Variants in GLI3 observed in about 807,000 individuals in gnomAD.
The protein encoded by GLI3 is transcription activator GLI3.
A neutral mutation model predicts 100.8 loss-of-function variants in GLI3; 20 were observed. The observed-to-expected ratio is 0.20, with a 90% CI of 0.14 to 0.29. The LOEUF is 0.29. Among genes scored for constraint, GLI3 ranks in the 10% least tolerant of loss-of-function variants. GLI3 has a pLI of 1.00. For synonymous variants in GLI3, 938 were observed against 860.5 expected (o/e 1.09, Z -1.58); for missense variants, 2,040 against 2,128.5 (o/e 0.96, Z 0.82).
chr7:42,230,101 G>C (rs58946834), intron 1 of GLI3, among the ~76,000 whole-genome samples: 5 of 41,582 alleles, frequency 1.2e-4, no homozygotes, highest in East Asian at 2.5e-3. Context: ...GGTTGGGCGG[G>C]GGGGGGGGGG....
At chr7:42,117,729 T>C (rs1037286243) in intron 3 of GLI3, among the ~76,000 whole-genome samples, 1 of 152,246 alleles carries the variant, frequency 6.6e-6, no homozygotes, top group Admixed American at 6.5e-5. Flanking sequence ...TCTAGCAAAG[T>C]GTATGATCTC....
At position 42,008,819 on chromosome 7, in the gene GLI3, A is replaced by G. The variant is rs1174290623; in HGVS notation, c.1497+14649T>C. Among the ~76,000 whole-genome samples the G allele has an allele frequency of 2.0e-5, 3 of 152,244 alleles. No homozygotes were observed. In the East Asian group the frequency reaches 5.8e-4, roughly 29 times the overall value. ...TGGTGGAAACTATCTTTGTCTTGTA[A>G]TAGTGAACTTATAGTTGATTAAAGG... On this transcript the variant is annotated intron_variant, in intron 10 of 14. Coordinates refer to ENST00000395925, the MANE Select transcript of GLI3 (RefSeq NM_000168.6).
chr7:42,095,322 G>A (rs1785315307), intron 3 of GLI3, among the ~76,000 whole-genome samples: 1 of 152,244 alleles, frequency 6.6e-6, no homozygotes, highest in African/African-American at 2.4e-5. Context: ...AAGCGTGCAA[G>A]AAGATGAGGC....
At chr7:42,151,719 G>A (rs2128788846) in intron 2 of GLI3, 1 of 152,266 alleles carries the variant, frequency 6.6e-6, no homozygotes, top group African/African-American at 2.4e-5. Flanking sequence ...TTTAAATACT[G>A]TCATCATAAT....
chr7:42,099,858 C>T (rs1785421169), intron 3 of GLI3, among the ~76,000 whole-genome samples: 1 of 152,240 alleles, frequency 6.6e-6, no homozygotes, highest in Admixed American at 6.5e-5. Context: ...AGACAAAACA[C>T]ACTTTCGAAA....
chr7:42,054,361 T>G (rs750256583), intron 4 of GLI3, among the ~76,000 whole-genome samples: 1 of 152,176 alleles, frequency 6.6e-6, no homozygotes, highest in Non-Finnish European at 1.5e-5. Flanking sequence ...CAGTATTTAA[T>G]CACTTGCATT....
chr7:42,146,264 A>C (rs1357702684), intron 3 of GLI3, among the ~76,000 whole-genome samples: 3 of 152,334 alleles, frequency 2.0e-5, no homozygotes, highest in South Asian at 4.1e-4. Flanking sequence ...GAATGAATTC[A>C]GATCCCCCTA....
chr7:42,249,977 C>T (rs958518473), intron 1 of GLI3, among the ~76,000 whole-genome samples: 2 of 152,044 alleles, frequency 1.3e-5, no homozygotes, highest in East Asian at 1.9e-4. Flanking sequence ...TACCTGTAGT[C>T]CCAGCTACTC....
intron 2 of GLI3, among the ~76,000 whole-genome samples, chr7:42,176,247 A>C (rs1490479045): frequency 6.6e-6 from 1 of 152,168 alleles, no homozygotes; most frequent in East Asian, 1.9e-4. Flanking sequence ...AGATCCACCA[A>C]GATGCCAGAA....
chr7:42,150,392 A>C (rs947638053), intron 2 of GLI3, among the ~76,000 whole-genome samples: 7 of 152,242 alleles, frequency 4.6e-5, no homozygotes, highest in Admixed American at 2.0e-4. Context: ...CTATAGAATA[A>C]GAATTTTGCA....
intron 4 of GLI3, among the ~76,000 whole-genome samples, chr7:42,065,064 T>G (rs1261856239): frequency 6.6e-6 from 1 of 152,094 alleles, no homozygotes; most frequent in Non-Finnish European, 1.5e-5. Context: ...AGGAAGAGCT[T>G]CTGTGTTAAA....
intron 10 of GLI3, among the ~76,000 whole-genome samples, chr7:42,016,565 T>C (rs1169144936): frequency 6.6e-6 from 1 of 152,206 alleles, no homozygotes; most frequent in African/African-American, 2.4e-5. Context: ...CTATTTTCCT[T>C]GGGAGCAGAG....
chr7:41,974,699 G>A (rs1197403932), intron 12 of GLI3, among the ~76,000 whole-genome samples: 1 of 152,258 alleles, frequency 6.6e-6, no homozygotes, highest in African/African-American at 2.4e-5. Context: ...TGGGCTTAAT[G>A]CCCAGCTCAC....
intron 2 of GLI3, among the ~76,000 whole-genome samples, chr7:42,165,179 C>T (rs1322780311): frequency 1.3e-4 from 16 of 120,848 alleles, no homozygotes; most frequent in African/African-American, 4.4e-4. Context: ...AAACTGTGTC[C>T]AAAAAAAAAA....
Position 42,025,294 on chromosome 7 carries a change from G to T in GLI3, c.1326C>A (p.Asp442Glu). Reference sequence around the variant, plus strand: ...GCCCCCGAGCCCCTGGGCTGGGGAGGTCTTCATCGGGTTTGATCTTGGACC... The same window carrying T: ...GCCCCCGAGCCCCTGGGCTGGGGAGTTCTTCATCGGGTTTGATCTTGGACC... ...NKRSKIKPDE[D>E]LPSPGARGQQ... The change falls in exon 9 of 15, where the codon GAC becomes GAA. Residue 442 changes from aspartate (D) to glutamate (E), a missense_variant. By Grantham distance (45) the Asp-to-Glu change is conservative. Transcript: ENST00000395925. 1 of 1,613,938 alleles carries T rather than the reference G, an allele frequency of 6.2e-7. No individual in the cohort carries two copies. Among genetic ancestry groups the T allele is most frequent in the African/African-American group, 1.3e-5 (1 of 75,066 alleles).
intron 7 of GLI3, among the ~76,000 whole-genome samples, chr7:42,038,078 T>G (rs1389806002): frequency 6.6e-6 from 1 of 152,248 alleles, no homozygotes; most frequent in African/African-American, 2.4e-5. Context: ...TGACTATCAC[T>G]GTGTGCCACA....
At chr7:41,980,977 G>T (rs1421964210) in intron 10 of GLI3, among the ~76,000 whole-genome samples, 1 of 152,198 alleles carries the variant, frequency 6.6e-6, no homozygotes, top group African/African-American at 2.4e-5. Context: ...ACATGTAATG[G>T]GATCATAAGT....
chr7:42,104,402 A>G (rs1785531551), intron 3 of GLI3, among the ~76,000 whole-genome samples: 1 of 152,168 alleles, frequency 6.6e-6, no homozygotes, highest in Non-Finnish European at 1.5e-5. Flanking sequence ...CCATCTCTAC[A>G]GTGGGTAAAC....
At chr7:42,102,096 T>G (rs1344720415) in intron 3 of GLI3, among the ~76,000 whole-genome samples, 1 of 151,894 alleles carries the variant, frequency 6.6e-6, no homozygotes. Context: ...TGTTGGACAT[T>G]TGGGTTGGTT....
Sources: gnomAD v4.1 joint callset for allele counts (sites outside exome capture counted in the v4.1 genomes callset) on GRCh38, gnomAD v4.1.1 for gene constraint, MANE v1.5 for transcripts, NCBI Gene and HGNC (gene_info 2026-07-23, HGNC 2026-07-21) for gene names.